MYO5B: variants seen among roughly 807,000 people sequenced by gnomAD.
MYO5B encodes the protein myosin VB, also known as unconventional myosin-Vb.
In MYO5B, 143 loss-of-function variants were observed where a neutral mutation model predicts 229.3. The observed-to-expected ratio is 0.62, with a 90% confidence interval of 0.54 to 0.72. The LOEUF is 0.72. Ranked by LOEUF, MYO5B falls within the 30% of genes least tolerant of loss-of-function variation. The probability of loss-of-function intolerance (pLI) is 0.00; values close to 1 mark genes in which losing one functional copy is unlikely to be tolerated. For synonymous variants in MYO5B, 918 were observed against 885.2 expected (o/e 1.04, Z -0.66); for missense variants, 2,321 against 2,331.0 (o/e 1.00, Z 0.09).
chr18:50,081,265 C>T (rs1309089089), intron 1 of MYO5B, among the ~76,000 whole-genome samples: 1 of 152,152 alleles, frequency 6.6e-6, no homozygotes, highest in Non-Finnish European at 1.5e-5. Context: ...ATTGGCTGAC[C>T]AAAGATGACC....
chr18:49,882,626 C>A (rs149538805), intron 22 of MYO5B, among the ~76,000 whole-genome samples: 17 of 93,824 alleles, frequency 1.8e-4, no homozygotes, highest in Admixed American at 4.0e-4. Flanking sequence ...GAAATCATCT[C>A]AAAAAAAAAA....
chr18:50,070,316 G>A (rs1251569876), intron 1 of MYO5B, among the ~76,000 whole-genome samples: 2 of 151,966 alleles, frequency 1.3e-5, no homozygotes, highest in Non-Finnish European at 2.9e-5. Flanking sequence ...GAGCTATCGC[G>A]CCCAGCTGCA....
intron 7 of MYO5B, among the ~76,000 whole-genome samples, chr18:49,989,493 G>C (rs1043118812): frequency 3.9e-5 from 6 of 152,168 alleles, no homozygotes; most frequent in Non-Finnish European, 8.8e-5. Context: ...AAGCATGGCA[G>C]GAAGTGTGGC....
In MYO5B at chr18:49,847,284, G is replaced by A; in HGVS notation, c.4321C>T (p.Gln1441Ter). The A allele has an allele frequency of 6.2e-7, 1 of 1,613,326 alleles. No homozygotes were observed. Among genetic ancestry groups the A allele is most frequent in the Non-Finnish European group, 8.5e-7 (1 of 1,179,984 alleles). ...MKKAQDLEAA[Q>*]ALAQSERKRH... is the part of the protein sequence containing the mutation. ...TTCCTCTCACTCTGGGCCAATGCCT[G>A]GGCAGCTGAGCAGGAAAGAAAACAG... is the stretch of plus-strand genomic sequence containing the variant. The change falls in exon 33 of 40, where the codon CAG (glutamine) becomes TAG (stop). Residue 1441 changes from glutamine to a stop codon, truncating the protein, a stop_gained. Transcript: ENST00000285039. LOFTEE classifies it high-confidence loss of function.
chr18:49,966,163 A>G (rs1219117744), intron 10 of MYO5B, among the ~76,000 whole-genome samples: 1 of 152,150 alleles, frequency 6.6e-6, no homozygotes, highest in African/African-American at 2.4e-5. Flanking sequence ...CGGTGCCCAG[A>G]ATACATCAGG....
At chr18:49,871,769 C>T (rs1222731815) in intron 27 of MYO5B, 2 of 303,674 alleles carry the variant, frequency 6.6e-6, no homozygotes, top group Admixed American at 4.3e-5. Context: ...TTCGGAAGCC[C>T]CTTTTCTGTG....
At chr18:49,876,994 C>T (rs539121239) in intron 25 of MYO5B, among the ~76,000 whole-genome samples, 4 of 152,334 alleles carry the variant, frequency 2.6e-5, no homozygotes, top group East Asian at 1.9e-4. Context: ...AGGACTTCTC[C>T]GGCTCAGTCA....
intron 1 of MYO5B, 44 bp downstream of exon 1, chr18:50,194,723 G>T: frequency 7.2e-7 from 1 of 1,388,616 alleles, no homozygotes; most frequent in Non-Finnish European, 9.7e-7. Context: ...GGCCCCGAGC[G>T]CGCCACCCCG....
intron 1 of MYO5B, among the ~76,000 whole-genome samples, chr18:50,110,552 C>G (rs2031847331): frequency 6.6e-6 from 1 of 152,132 alleles, no homozygotes; most frequent in Non-Finnish European, 1.5e-5. Context: ...CTGTAGAGCT[C>G]CAAAGCAATG....
At chr18:49,897,783 G>A (rs1267235514) in intron 21 of MYO5B, among the ~76,000 whole-genome samples, 5 of 152,132 alleles carry the variant, frequency 3.3e-5, no homozygotes, top group African/African-American at 1.2e-4. Flanking sequence ...CTAAGTGTAC[G>A]GCTTATAAAG....
rs145381196 is a variant in MYO5B, at chr18:49,920,645, C to A, written c.2091-8472G>T. 2.0e-4 allele frequency among the ~76,000 whole-genome samples: 30 copies of A among 152,276 alleles called. No homozygotes were observed. The East Asian group carries it at 5.8e-3, about 29-fold the overall frequency. On this transcript the variant is annotated intron_variant, in intron 17 of 39. Coordinates refer to ENST00000285039, the MANE Select transcript of MYO5B (RefSeq NM_001080467.3). The stretch of plus-strand genomic sequence containing the variant: ...ACACAAAGTGAGGACACAGGAAAAC[C>A]CACTCCATCCTATCACTGCTTGGAT...
At chr18:49,865,863 A>G (rs1789961990) in intron 27 of MYO5B, among the ~76,000 whole-genome samples, 2 of 151,950 alleles carry the variant, frequency 1.3e-5, no homozygotes, top group Admixed American at 1.3e-4. Flanking sequence ...TGACATTTCT[A>G]TTTATCCCAT....
chr18:50,107,983 A>C (rs924127886), intron 1 of MYO5B, among the ~76,000 whole-genome samples: 1 of 150,552 alleles, frequency 6.6e-6, no homozygotes, highest in African/African-American at 2.5e-5. Flanking sequence ...ATCTTGGCTC[A>C]CTACAACCTT....
intron 1 of MYO5B, among the ~76,000 whole-genome samples, chr18:50,091,513 A>G (rs554079535): frequency 2.6e-4 from 39 of 152,300 alleles, no homozygotes; most frequent in African/African-American, 9.1e-4. Context: ...CCTTACAACC[A>G]TCCTATGGGG....
chr18:49,995,303 A>G (rs1598938851), intron 5 of MYO5B, among the ~76,000 whole-genome samples: 1 of 142,756 alleles, frequency 7.0e-6, no homozygotes, highest in Admixed American at 7.3e-5. Flanking sequence ...CTCCCAGGCT[A>G]GAGTGCAATG....
At chr18:49,830,589 T>C (rs2023904024) in intron 39 of MYO5B, among the ~76,000 whole-genome samples, 1 of 152,160 alleles carries the variant, frequency 6.6e-6, no homozygotes, top group African/African-American at 2.4e-5. Context: ...GGCTCATGCC[T>C]GCAATCCCAG....
At chr18:49,975,799 A>G (rs2025743969) in intron 9 of MYO5B, among the ~76,000 whole-genome samples, 1 of 151,914 alleles carries the variant, frequency 6.6e-6, no homozygotes, top group Non-Finnish European at 1.5e-5. Flanking sequence ...CCCCCAGCAC[A>G]AGGCTTCTAC....
chr18:49,960,307 C>G (rs538628241), intron 12 of MYO5B, among the ~76,000 whole-genome samples: 19 of 152,324 alleles, frequency 1.2e-4, no homozygotes, highest in African/African-American at 4.1e-4. Flanking sequence ...TGCAAAGTAT[C>G]TGAGAGACAG....
At chr18:50,086,433 T>C (rs1352989127) in intron 1 of MYO5B, among the ~76,000 whole-genome samples, 4 of 152,238 alleles carry the variant, frequency 2.6e-5, no homozygotes, top group African/African-American at 9.6e-5. Context: ...ATTTTTTCCT[T>C]ATTAATACAC....
Sources: gnomAD v4.1 joint callset for allele counts (sites outside exome capture counted in the v4.1 genomes callset) on GRCh38, gnomAD v4.1.1 for gene constraint, MANE v1.5 for transcripts, NCBI Gene and HGNC (gene_info 2026-07-23, HGNC 2026-07-21) for gene names.